ZC3H12C: variants seen among roughly 807,000 people sequenced by gnomAD.
ZC3H12C encodes zinc finger CCCH-type containing 12C.
A neutral mutation model predicts 76.3 loss-of-function variants in ZC3H12C; 20 were observed. That is an observed-to-expected ratio of 0.26 (90% CI 0.18 to 0.38). The LOEUF is 0.38. Ranked by LOEUF, ZC3H12C falls within the 10% of genes least tolerant of loss-of-function variation. ZC3H12C has a pLI of 1.00. For missense variants in ZC3H12C, 874 were observed against 1,086.5 expected, an observed-to-expected ratio of 0.80 and a Z score of 2.75; for synonymous variants, 352 against 399.6, an observed-to-expected ratio of 0.88 and a Z score of 1.42.
chr11:110,155,679 T>A (rs1260881249), intron 3 of ZC3H12C, among the ~76,000 whole-genome samples: 2 of 152,184 alleles, frequency 1.3e-5, no homozygotes, highest in African/African-American at 4.8e-5. Context: ...TTTATTTTTG[T>A]GTGTCTGTCT....
At position 110,165,031 on chromosome 11, in the gene ZC3H12C, T is replaced by A; in HGVS notation, c.1946T>A (p.Val649Asp). 1 of 1,613,936 alleles carries A rather than the reference T, an allele frequency of 6.2e-7. No individual in the cohort carries two copies. The highest frequency in any genetic ancestry group is 8.5e-7 in the Non-Finnish European group (1 of 1,179,886). Reference protein sequence around the residue: ...SYVGYNDRSYVSSPDPQLEEN... With the variant: ...SYVGYNDRSYDSSPDPQLEEN... The stretch of plus-strand genomic sequence containing the variant: ...GTGGGTTACAATGACCGGTCCTATG[T>A]CAGCTCCCCCGACCCACAGCTAGAG... Residue 649 changes from valine (V) to aspartate (D), a missense_variant, in exon 6 of 6, where the codon GTC becomes GAC. Around this residue, in one of 3 missense-constraint regions of ZC3H12C, gnomAD observed 395 missense variants for 434.4 expected, o/e 0.91. Coordinates refer to ENST00000278590, the MANE Select transcript of ZC3H12C (RefSeq NM_033390.2).
intron 3 of ZC3H12C, among the ~76,000 whole-genome samples, chr11:110,155,797 T>G (rs1196574306): frequency 6.6e-6 from 1 of 152,136 alleles, no homozygotes; most frequent in South Asian, 2.1e-4. Flanking sequence ...TTAAGAGTAA[T>G]TGCCTCTTAG....
intron 1 of ZC3H12C, among the ~76,000 whole-genome samples, chr11:110,099,513 T>G (rs1488369457): frequency 2.0e-5 from 3 of 151,996 alleles, no homozygotes; most frequent in Non-Finnish European, 2.9e-5. Context: ...ACCGAGAAAA[T>G]GAAAGCCACC....
chr11:110,125,413 C>T (rs775159104), intron 1 of ZC3H12C, among the ~76,000 whole-genome samples: 24 of 151,912 alleles, frequency 1.6e-4, no homozygotes, highest in Admixed American at 1.3e-3. Flanking sequence ...CCTCCACCTC[C>T]AGGTTCAAGG....
rs1862662948 is a variant in ZC3H12C, at chr11:110,170,727, G to GGT, written c.*4991_*4992insTG. 2 of 152,294 alleles carry GGT rather than the reference G, an allele frequency of 1.3e-5. No individual in the cohort carries two copies. The highest frequency in any genetic ancestry group is 4.1e-4 in the South Asian group (2 of 4,830). The allele number at this position is 152,294 out of a possible 1,614,324, so 9.4% of individuals were successfully genotyped here. On this transcript the variant is annotated 3_prime_UTR_variant, in exon 6 of 6. Transcript: ENST00000278590. The stretch of plus-strand genomic sequence containing the variant: ...ATGTTTATTCACAGTGCTTTATACC[G>GGT]GGTGTTGCATCAGTAATCATTTTCA...
chr11:110,146,949 A>G (rs1317947775), intron 2 of ZC3H12C, among the ~76,000 whole-genome samples: 1 of 152,190 alleles, frequency 6.6e-6, no homozygotes, highest in South Asian at 2.1e-4. Context: ...TCAGCCACTG[A>G]TGAAAATCAA....
chr11:110,104,124 C>T (rs1338716757), intron 1 of ZC3H12C, among the ~76,000 whole-genome samples: 1 of 151,844 alleles, frequency 6.6e-6, no homozygotes, highest in Non-Finnish European at 1.5e-5. Context: ...ACATCTGCCT[C>T]CCGGGGCAGA....
chr11:110,094,679 C>T, intron 1 of ZC3H12C, among the ~76,000 whole-genome samples: 1 of 152,172 alleles, frequency 6.6e-6, no homozygotes, highest in East Asian at 1.9e-4. Context: ...ATGATAGCTT[C>T]ATCAAACATT....
chr11:110,136,796 C>G lies in ZC3H12C; in HGVS notation c.155C>G (p.Pro52Arg), dbSNP rs1489271047. The change falls in exon 2 of 6, where the codon CCA (proline) becomes CGA (arginine). Residue 52 changes from proline (P) to arginine (R), a missense_variant. Coordinates refer to ENST00000278590, the MANE Select transcript of ZC3H12C (RefSeq NM_033390.2). ...LGHLYVESTD[P>R]QLSPAVPWST... is the part of the protein sequence containing the mutation. ...CACCTTTATGTGGAGAGCACTGACCCACAGTTAAGTCCAGCTGTACCTTGG... is the reference window on the plus strand; with the variant it reads ...CACCTTTATGTGGAGAGCACTGACCGACAGTTAAGTCCAGCTGTACCTTGG... 3 of 1,613,892 alleles carry G rather than the reference C, an allele frequency of 1.9e-6. No individual in the cohort carries two copies. The highest frequency in any genetic ancestry group is 2.5e-6 in the Non-Finnish European group (3 of 1,179,872).
Position 110,132,594 on chromosome 11 carries a change from C to T in ZC3H12C, c.22-4069C>T, listed in dbSNP as rs1223608902. On this transcript the variant is annotated intron_variant, in intron 1 of 5. Transcript: ENST00000278590. Reference sequence around the variant, plus strand: ...CTTCACAAATCACTATATATTTGCCCAGTTCCTTTTGTGTTCAAGAATATA... The same window carrying T: ...CTTCACAAATCACTATATATTTGCCTAGTTCCTTTTGTGTTCAAGAATATA... Among the ~76,000 whole-genome samples, 8 of 152,072 alleles carry T rather than the reference C, an allele frequency of 5.3e-5. No homozygotes were observed. In the South Asian group the frequency reaches 1.5e-3, roughly 28 times the overall value.
chr11:110,129,399 T>C (rs956618072), intron 1 of ZC3H12C, among the ~76,000 whole-genome samples: 8 of 152,204 alleles, frequency 5.3e-5, no homozygotes, highest in Non-Finnish European at 1.0e-4. Context: ...TAGATCTTCT[T>C]ATTTTGTAAA....
In ZC3H12C at chr11:110,164,130, T is replaced by C. The variant is rs993008947; in HGVS notation, c.1256-211T>C. ...AAAAAAAAAGTTCTGGAGGTGATTA[T>C]TACTCATTCGGCCAACTTCCTCCTG... On this transcript the variant is annotated intron_variant, in intron 5 of 5. Coordinates refer to ENST00000278590, the MANE Select transcript of ZC3H12C (RefSeq NM_033390.2). The surrounding 1 kb of genome is among the most constrained non-coding windows in gnomAD (Gnocchi z 5.7). Among the ~76,000 whole-genome samples the C allele has an allele frequency of 6.6e-6, 1 of 151,960 alleles. No individual in the cohort carries two copies. The highest frequency in any genetic ancestry group is 1.5e-5 in the Non-Finnish European group (1 of 67,984).
chr11:110,105,816 A>C (rs1861312973), intron 1 of ZC3H12C, among the ~76,000 whole-genome samples: 1 of 152,180 alleles, frequency 6.6e-6, no homozygotes, highest in Non-Finnish European at 1.5e-5. Flanking sequence ...ATGGCATTCA[A>C]CATATTTAAG....
At chr11:110,100,086 AGTAGTCTTTAG>A (rs1861184775) in intron 1 of ZC3H12C, among the ~76,000 whole-genome samples, 2 of 152,150 alleles carry the variant, frequency 1.3e-5, no homozygotes. Flanking sequence ...TTACCTTGTT[AGTAGTCTTTAG>A]GCTCCCTGAG....
Position 110,127,907 on chromosome 11 carries a change from A to AG in ZC3H12C, c.22-8756_22-8755insG, listed in dbSNP as rs1185330781. On this transcript the variant is annotated intron_variant, in intron 1 of 5. Transcript: ENST00000278590. Reference sequence around the variant, plus strand: ...TGAGACTTACTCTCAAAAAAAAAAAAAAAGAGATTACATATTAAAGAGAGT... The same window carrying AG: ...TGAGACTTACTCTCAAAAAAAAAAAAGAAAGAGATTACATATTAAAGAGAGT... 2.9e-5 allele frequency among the ~76,000 whole-genome samples: 3 copies of AG among 102,554 alleles called. No homozygotes were observed. In the East Asian group the frequency reaches 1.2e-3, roughly 42 times the overall value. The allele number at this position is 102,554 out of a possible 152,430, so 67.3% of individuals were successfully genotyped here.
chr11:110,134,108 C>T (rs1301723622), intron 1 of ZC3H12C, among the ~76,000 whole-genome samples: 1 of 152,146 alleles, frequency 6.6e-6, no homozygotes, highest in African/African-American at 2.4e-5. Context: ...TATCTCACAA[C>T]AGCACTTATA....
intron 2 of ZC3H12C, among the ~76,000 whole-genome samples, chr11:110,138,070 A>G (rs1862002795): frequency 6.6e-6 from 1 of 152,074 alleles, no homozygotes; most frequent in Non-Finnish European, 1.5e-5. Context: ...CCTGAGCAAC[A>G]TAGGGAAACA....
intron 1 of ZC3H12C, among the ~76,000 whole-genome samples, chr11:110,111,802 C>A (rs571502854): frequency 6.6e-6 from 1 of 151,636 alleles, no homozygotes; most frequent in Non-Finnish European, 1.5e-5. Flanking sequence ...CTCAGCATCC[C>A]AAGGTGCTGA....
At chr11:110,159,537 A>G in intron 4 of ZC3H12C, 47 bp downstream of exon 4, 1 of 1,452,072 alleles carries the variant, frequency 6.9e-7, no homozygotes, top group South Asian at 1.2e-5. Flanking sequence ...CTGTAAAAAT[A>G]TAACTATCCC....
Sources: allele counts gnomAD v4.1 joint callset (sites outside exome capture counted in the v4.1 genomes callset), GRCh38; gene constraint gnomAD v4.1.1; regional missense constraint gnomAD v4.1.1; non-coding constraint Gnocchi (gnomAD v3.1); transcripts MANE v1.5; gene names NCBI Gene and HGNC (gene_info 2026-07-23, HGNC 2026-07-21).